SDK1: variants seen among roughly 807,000 people sequenced by gnomAD.
SDK1 encodes the protein protein sidekick-1.
A neutral mutation model predicts 245.5 loss-of-function variants in SDK1; 157 were observed. The ratio of observed to expected loss-of-function variants is 0.64; its 90% CI spans 0.56 to 0.73. The LOEUF is 0.73. Among genes scored for constraint, SDK1 ranks in the 30% least tolerant of loss-of-function variants. SDK1 has a pLI of 0.00. For missense variants in SDK1, 3,583 were observed against 3,002.3 expected (o/e 1.19, Z -4.52); for synonymous variants, 1,647 against 1,278.5 (o/e 1.29, Z -6.15).
At chr7:3,778,897 A>G (rs989097192) in intron 4 of SDK1, among the ~76,000 whole-genome samples, 5 of 152,230 alleles carry the variant, frequency 3.3e-5, no homozygotes, top group East Asian at 3.8e-4. Context: ...TGGCAGCACT[A>G]TAAAGTACCT....
chr7:3,944,953 G>A (rs1272273857), intron 5 of SDK1, among the ~76,000 whole-genome samples: 1 of 152,122 alleles, frequency 6.6e-6, no homozygotes, highest in Non-Finnish European at 1.5e-5. Context: ...GCATGGAGGG[G>A]GAGCCATTGC....
At chr7:4,113,146 G>T (rs982456485) in intron 23 of SDK1, 143 bp from the exon 24 acceptor site, 2 of 867,348 alleles carry the variant, frequency 2.3e-6, no homozygotes. Flanking sequence ...TGAAAAGAGG[G>T]TGTCCTTGAG....
chr7:3,543,382 T>C (rs1373250398), intron 1 of SDK1, among the ~76,000 whole-genome samples: 2 of 152,268 alleles, frequency 1.3e-5, no homozygotes, highest in Admixed American at 1.3e-4. Context: ...ATGGCTAGAC[T>C]CTGACCCCAT....
intron 25 of SDK1, among the ~76,000 whole-genome samples, chr7:4,115,785 G>A (rs1783667433): frequency 6.6e-6 from 1 of 152,214 alleles, no homozygotes; most frequent in Non-Finnish European, 1.5e-5. Flanking sequence ...CGTGCAAAGA[G>A]ACAGTCCCCC....
intron 1 of SDK1, among the ~76,000 whole-genome samples, chr7:3,486,168 AT>A (rs1394126722): frequency 6.6e-6 from 1 of 151,876 alleles, no homozygotes; most frequent in African/African-American, 2.4e-5. Flanking sequence ...TCTTATGAAA[AT>A]TTTAGAACAT....
chr7:3,504,716 C>T (rs1318699233), intron 1 of SDK1, among the ~76,000 whole-genome samples: 2 of 151,668 alleles, frequency 1.3e-5, no homozygotes, highest in Non-Finnish European at 1.5e-5. Flanking sequence ...TGGAGTAAAT[C>T]TTCATTACCT....
At chr7:4,137,060 G>C (rs1044388900) in intron 28 of SDK1, among the ~76,000 whole-genome samples, 4 of 152,200 alleles carry the variant, frequency 2.6e-5, no homozygotes, top group South Asian at 2.1e-4. Flanking sequence ...TGAGCGCTGG[G>C]GTCCCAGTGA....
At chr7:3,323,084 G>A (rs1779857232) in intron 1 of SDK1, among the ~76,000 whole-genome samples, 1 of 152,136 alleles carries the variant, frequency 6.6e-6, no homozygotes, top group Non-Finnish European at 1.5e-5. Flanking sequence ...TTACAGGCGT[G>A]AACCAATGCA....
At chr7:4,077,498 T>A (rs1405770975) in intron 21 of SDK1, among the ~76,000 whole-genome samples, 1 of 152,158 alleles carries the variant, frequency 6.6e-6, no homozygotes, top group Non-Finnish European at 1.5e-5. Context: ...ATGAATACTT[T>A]CAAAACAGTA....
intron 1 of SDK1, among the ~76,000 whole-genome samples, chr7:3,323,615 A>G (rs1779871978): frequency 6.6e-6 from 1 of 152,182 alleles, no homozygotes. Context: ...GCCCCACTCC[A>G]TCTTCAAACC....
Position 4,114,210 on chromosome 7 carries a change from G to A in SDK1, c.3759G>A (p.Gln1253=). ...GGATGGAATACGAGCTGCAGATGCAGGCCTTCAACGCCGTCGGGGCTGGGC... is the reference window on the plus strand; with the variant it reads ...GGATGGAATACGAGCTGCAGATGCAAGCCTTCAACGCCGTCGGGGCTGGGC... ...EEWMEYELQM[Q]AFNAVGAGPW... Residue 1253 remains glutamine (Q), a synonymous_variant, in exon 25 of 45, where the codon CAG becomes CAA. Coordinates refer to ENST00000404826, the MANE Select transcript of SDK1 (RefSeq NM_152744.4). 1 of 1,613,778 alleles carries A rather than the reference G, an allele frequency of 6.2e-7. No homozygotes were observed. Among genetic ancestry groups the A allele is most frequent in the Non-Finnish European group, 8.5e-7 (1 of 1,179,976 alleles).
intron 1 of SDK1, among the ~76,000 whole-genome samples, chr7:3,424,873 G>T (rs1779633571): frequency 6.6e-6 from 1 of 152,114 alleles, no homozygotes; most frequent in African/African-American, 2.4e-5. Flanking sequence ...CTCCAGCCTT[G>T]GTGACAGAGC....
At chr7:3,421,661 G>A (rs1292619317) in intron 1 of SDK1, among the ~76,000 whole-genome samples, 4 of 152,190 alleles carry the variant, frequency 2.6e-5, no homozygotes, top group African/African-American at 9.6e-5. Flanking sequence ...CAGCTAGAGA[G>A]TATCTCTAGG....
intron 4 of SDK1, among the ~76,000 whole-genome samples, chr7:3,799,012 C>A (rs1351440114): frequency 6.6e-6 from 1 of 152,098 alleles, no homozygotes; most frequent in East Asian, 1.9e-4. Context: ...AATTTGAATT[C>A]TCCTGCAAGG....
At chr7:3,409,867 A>C (rs1779152215) in intron 1 of SDK1, among the ~76,000 whole-genome samples, 1 of 152,166 alleles carries the variant, frequency 6.6e-6, no homozygotes, top group African/African-American at 2.4e-5. Flanking sequence ...GCAGAGTTTA[A>C]GCGAATGAGC....
chr7:3,389,042 G>A (rs183341804), intron 1 of SDK1, among the ~76,000 whole-genome samples: 7 of 152,300 alleles, frequency 4.6e-5, no homozygotes, highest in East Asian at 1.9e-4. Context: ...GTTTGGAAAG[G>A]CCTCTCAGGA....
chr7:4,267,492 C>T lies in SDK1; in HGVS notation c.*2108C>T. 2 of 985,474 alleles carry T rather than the reference C, an allele frequency of 2.0e-6. No individual in the cohort carries two copies. Among genetic ancestry groups the T allele is most frequent in the South Asian group, 9.4e-5 (2 of 21,292 alleles). The allele number at this position is 985,474 out of a possible 1,614,324, so 61.0% of individuals were successfully genotyped here. ...ACAGTGGACAGTGCCACCTCCTTCC[C>T]CTCGGCCCCGGAGAGGGCGAAGTGG... On this transcript the variant is annotated 3_prime_UTR_variant, in exon 45 of 45. Transcript: ENST00000404826.
chr7:3,650,763 G>A (rs1583271655), intron 4 of SDK1, among the ~76,000 whole-genome samples: 1 of 151,270 alleles, frequency 6.6e-6, no homozygotes, highest in Non-Finnish European at 1.5e-5. Flanking sequence ...CCTTTCTAAA[G>A]TTTTGTCATC....
At chr7:3,820,666 G>A (rs1443410532) in intron 4 of SDK1, among the ~76,000 whole-genome samples, 2 of 152,206 alleles carry the variant, frequency 1.3e-5, no homozygotes, top group Non-Finnish European at 2.9e-5. Context: ...TAATCTGCCT[G>A]TGAAAACACC....
Sources: gnomAD v4.1 joint callset for allele counts (sites outside exome capture counted in the v4.1 genomes callset) on GRCh38, gnomAD v4.1.1 for gene constraint, MANE v1.5 for transcripts, NCBI Gene and HGNC (gene_info 2026-07-23, HGNC 2026-07-21) for gene names.